The following STAT4 variants were observed in gnomAD, a reference collection of about 807,000 sequenced individuals.
STAT4 encodes the protein signal transducer and activator of transcription 4.
A neutral mutation model predicts 110.5 loss-of-function variants in STAT4; 42 were observed. That is an observed-to-expected ratio of 0.38 (90% CI 0.30 to 0.49). The LOEUF is 0.49. STAT4 is among the 20% of genes least tolerant of loss of function. The pLI, the probability that STAT4 is intolerant of heterozygous loss-of-function variation, is 0.95. For missense variants in STAT4, 632 were observed against 887.9 expected (o/e 0.71, Z 3.66); for synonymous variants, 284 against 302.2 (o/e 0.94, Z 0.63).
At position 191,031,122 on chromosome 2, in the gene STAT4, A is replaced by G. The variant is rs1298111291; in HGVS notation, c.2112-42T>C. ...GGTCAATATGGACAAGGATTAAAAAATAATAATAGTTCACGGTGACTTACT... is the reference window on the plus strand; with the variant it reads ...GGTCAATATGGACAAGGATTAAAAAGTAATAATAGTTCACGGTGACTTACT... On this transcript the variant is annotated intron_variant, in intron 22 of 23. Coordinates refer to ENST00000392320, the MANE Select transcript of STAT4 (RefSeq NM_003151.4). This position sits in a 1 kb window ranked among gnomAD's most constrained non-coding sequence, Gnocchi z 4.8. 1.3e-6 allele frequency: 2 copies of G among 1,589,296 alleles called. No individual in the cohort carries two copies. Among genetic ancestry groups the G allele is most frequent in the South Asian group, 2.2e-5 (2 of 90,290 alleles).
rs1698109040 is a variant in STAT4 at position 191,099,870 on chromosome 2, A to C, written c.274-23545T>G. 6.6e-6 allele frequency among the ~76,000 whole-genome samples: 1 copy of C among 152,168 alleles called. No individual in the cohort carries two copies. The highest frequency in any genetic ancestry group is 1.9e-4 in the East Asian group (1 of 5,194). The stretch of plus-strand genomic sequence containing the variant: ...TTTATGGAAAATTACATGAGTGTGT[A>C]TGCAGTAAAAGTATGAAAAGTTGGT... On this transcript the variant is annotated intron_variant, in intron 3 of 23. Coordinates refer to ENST00000392320, the MANE Select transcript of STAT4 (RefSeq NM_003151.4). This position sits in a 1 kb window ranked among gnomAD's most constrained non-coding sequence, Gnocchi z 4.1.
At position 191,104,606 on chromosome 2, in the gene STAT4, T is replaced by C. The variant is rs1698228115; in HGVS notation, c.274-28281A>G. ...AACTTTTGATTTTGCTAAATAAGTA[T>C]ATATTAAACAAAGGTCCATAACCAC... On this transcript the variant is annotated intron_variant, in intron 3 of 23. Coordinates refer to ENST00000392320, the MANE Select transcript of STAT4 (RefSeq NM_003151.4). This position sits in a 1 kb window ranked among gnomAD's most constrained non-coding sequence, Gnocchi z 4.3. Among the ~76,000 whole-genome samples, 1 of 152,186 alleles carries C rather than the reference T, an allele frequency of 6.6e-6. No homozygotes were observed. Among genetic ancestry groups the C allele is most frequent in the Non-Finnish European group, 1.5e-5 (1 of 68,038 alleles).
Position 191,113,962 on chromosome 2 carries a change from G to A in STAT4, c.273+32651C>T, listed in dbSNP as rs1024121247. ...GGAGGTTCCCCTAGAGTTTATGGCTGATCAAATCTGATGTTTAAAATACAT... is the reference window on the plus strand; with the variant it reads ...GGAGGTTCCCCTAGAGTTTATGGCTAATCAAATCTGATGTTTAAAATACAT... On this transcript the variant is annotated intron_variant, in intron 3 of 23. Coordinates refer to ENST00000392320, the MANE Select transcript of STAT4 (RefSeq NM_003151.4). This position sits in a 1 kb window ranked among gnomAD's most constrained non-coding sequence, Gnocchi z 4.8. Among the ~76,000 whole-genome samples, 1 of 152,140 alleles carries A rather than the reference G, an allele frequency of 6.6e-6. No individual in the cohort carries two copies. Among genetic ancestry groups the A allele is most frequent in the African/African-American group, 2.4e-5 (1 of 41,432 alleles).
At chr2:191,092,495 G>A (rs887793957) in intron 3 of STAT4, among the ~76,000 whole-genome samples, 1 of 150,948 alleles carries the variant, frequency 6.6e-6, no homozygotes, top group Non-Finnish European at 1.5e-5. Flanking sequence ...ATGGTCCATA[G>A]TGTGAATGTG....
At position 191,117,236 on chromosome 2, in the gene STAT4, A is replaced by C. The variant is rs112726301; in HGVS notation, c.273+29377T>G. 2.0e-5 allele frequency among the ~76,000 whole-genome samples: 3 copies of C among 152,342 alleles called. No individual in the cohort carries two copies. The highest frequency in any genetic ancestry group is 7.2e-5 in the African/African-American group (3 of 41,586). ...CCCACAACAAATCAAAAATGGTATC[A>C]AGGGATTTTCATCTTTGCCAGTTTG... is the stretch of plus-strand genomic sequence containing the variant. On this transcript the variant is annotated intron_variant, in intron 3 of 23. Transcript: ENST00000392320. The surrounding 1 kb of genome is among the most constrained non-coding windows in gnomAD (Gnocchi z 5.2).
rs1020214907 is a variant in STAT4, at chr2:191,062,622, C to T, written c.941+140G>A. ...AAGAGTAGAAATGTGGTTTCTAAAA[C>T]TTTCTGGGGTTCTATTCACTTCTCC... On this transcript the variant is annotated intron_variant, in intron 9 of 23. Transcript: ENST00000392320. The surrounding 1 kb of genome is among the most constrained non-coding windows in gnomAD (Gnocchi z 4.9). The T allele has an allele frequency of 1.2e-6, 1 of 855,180 alleles. No homozygotes were observed. The highest frequency in any genetic ancestry group is 1.8e-5 in the South Asian group (1 of 56,324). 53.0% of individuals were successfully genotyped at this position (855,180 alleles called of 1,614,324 possible). A position where few individuals can be genotyped will look rare whatever the true frequency, so the allele number is the denominator to read the frequency against.
chr2:191,089,475 A>G (rs1326502045), intron 3 of STAT4, among the ~76,000 whole-genome samples: 1 of 152,224 alleles, frequency 6.6e-6, no homozygotes, highest in Non-Finnish European at 1.5e-5. Flanking sequence ...AAAATAATAC[A>G]GCCATTTTCA....
intron 3 of STAT4, among the ~76,000 whole-genome samples, chr2:191,076,530 C>G (rs977638992): frequency 1.3e-5 from 2 of 152,126 alleles, no homozygotes; most frequent in African/African-American, 4.8e-5. Context: ...ATATTTATCT[C>G]TTTGTCCTCA....
At chr2:191,119,622 G>A (rs992708268) in intron 3 of STAT4, among the ~76,000 whole-genome samples, 1 of 152,140 alleles carries the variant, frequency 6.6e-6, no homozygotes, top group Non-Finnish European at 1.5e-5. Context: ...TATAGATTTA[G>A]TGTAATCCCA....
At chr2:191,121,761 G>C (rs1574176540) in intron 3 of STAT4, among the ~76,000 whole-genome samples, 2 of 144,770 alleles carry the variant, frequency 1.4e-5, no homozygotes, top group South Asian at 2.3e-4. Context: ...TCACACACCA[G>C]GGCCTGTTGT....
Position 191,039,380 on chromosome 2 carries a change from G to T in STAT4, c.1336-83C>A. The T allele has an allele frequency of 8.1e-7, 1 of 1,235,798 alleles. No individual in the cohort carries two copies. The highest frequency in any genetic ancestry group is 1.2e-6 in the Non-Finnish European group (1 of 841,756). The allele number at this position is 1,235,798 out of a possible 1,614,324, so 76.6% of individuals were successfully genotyped here. A position where few individuals can be genotyped will look rare whatever the true frequency, so the allele number is the denominator to read the frequency against. ...TATGCTTGACCCTCGCCTCTAAAGG[G>T]CCAATCTCAAGCCAGCCCCACACCT... On this transcript the variant is annotated intron_variant, in intron 15 of 23. Transcript: ENST00000392320. The surrounding 1 kb of genome is among the most constrained non-coding windows in gnomAD (Gnocchi z 4.7).
In STAT4 at chr2:191,149,490, T is replaced by C. The variant is rs115070265; in HGVS notation, c.-1-1286A>G. On this transcript the variant is annotated intron_variant, in intron 1 of 23. Coordinates refer to ENST00000392320, the MANE Select transcript of STAT4 (RefSeq NM_003151.4). ...AGGCATATTGTAAATGCTCAATCAATGCTTGTTAAATGAAGAATGAGTGGC... is the reference window on the plus strand; with the variant it reads ...AGGCATATTGTAAATGCTCAATCAACGCTTGTTAAATGAAGAATGAGTGGC... 7.6e-3 allele frequency among the ~76,000 whole-genome samples: 1,156 copies of C among 152,328 alleles called. 20 individuals are homozygous for C. Among genetic ancestry groups the C allele is most frequent in the African/African-American group, 0.026 (1,094 of 41,576 alleles).
intron 3 of STAT4, among the ~76,000 whole-genome samples, chr2:191,137,903 T>C (rs929329846): frequency 2.6e-5 from 4 of 152,250 alleles, no homozygotes; most frequent in Admixed American, 1.3e-4. Flanking sequence ...AATTATAAAC[T>C]GCTACAAGAT....
Position 191,082,037 on chromosome 2 carries a change from G to A in STAT4, c.274-5712C>T. 6.6e-6 allele frequency among the ~76,000 whole-genome samples: 1 copy of A among 152,222 alleles called. No individual in the cohort carries two copies. The highest frequency in any genetic ancestry group is 1.5e-5 in the Non-Finnish European group (1 of 68,022). On this transcript the variant is annotated intron_variant, in intron 3 of 23. Coordinates refer to ENST00000392320, the MANE Select transcript of STAT4 (RefSeq NM_003151.4). This position sits in a 1 kb window ranked among gnomAD's most constrained non-coding sequence, Gnocchi z 4.7. ...CAATGCATGAATCATTCACTCCAGGGTCTTATTGTGCTGAGATTTCTTTCA... is the reference window on the plus strand; with the variant it reads ...CAATGCATGAATCATTCACTCCAGGATCTTATTGTGCTGAGATTTCTTTCA...
At chr2:191,064,729 T>C in intron 8 of STAT4, 78 bp downstream of exon 8, 1 of 1,531,158 alleles carries the variant, frequency 6.5e-7, no homozygotes, top group South Asian at 1.3e-5. Context: ...AGTCTAAACC[T>C]GCGTTCTCTG....
chr2:191,090,416 A>G lies in STAT4; in HGVS notation c.274-14091T>C, dbSNP rs1367433203. On this transcript the variant is annotated intron_variant, in intron 3 of 23. Transcript: ENST00000392320. This position sits in a 1 kb window ranked among gnomAD's most constrained non-coding sequence, Gnocchi z 4.2. ...GGTTTTCTTGATAAAAGAAAGGTAC[A>G]GTATAGGCTGTTGATGGATCTAAAT... is the stretch of plus-strand genomic sequence containing the variant. Among the ~76,000 whole-genome samples, 1 of 152,152 alleles carries G rather than the reference A, an allele frequency of 6.6e-6. No individual in the cohort carries two copies. The highest frequency in any genetic ancestry group is 2.4e-5 in the African/African-American group (1 of 41,438).
In STAT4 at chr2:191,039,869, C is replaced by A. The variant is rs1449632852; in HGVS notation, c.1336-572G>T. ...GTGGTTTTCTACTTTATGAGATAAA[C>A]AGGCTTTTACAAATTAGCTTGGGAA... is the stretch of plus-strand genomic sequence containing the variant. On this transcript the variant is annotated intron_variant, in intron 15 of 23. Coordinates refer to ENST00000392320, the MANE Select transcript of STAT4 (RefSeq NM_003151.4). This position sits in a 1 kb window ranked among gnomAD's most constrained non-coding sequence, Gnocchi z 4.7. Among the ~76,000 whole-genome samples the A allele has an allele frequency of 6.6e-6, 1 of 152,154 alleles. No individual in the cohort carries two copies. Among genetic ancestry groups the A allele is most frequent in the Non-Finnish European group, 1.5e-5 (1 of 68,028 alleles).
Position 191,058,566 on chromosome 2 carries a change from AAG to A in STAT4, c.1094+142_1094+143del. ...AATTTTGTTAAATGTTTGAACTTCA[AAG>A]TCAAATATTTGAAGTACATTCATTA... On this transcript the variant is annotated intron_variant, in intron 11 of 23. Transcript: ENST00000392320. This position sits in a 1 kb window ranked among gnomAD's most constrained non-coding sequence, Gnocchi z 4.3. The A allele has an allele frequency of 1.6e-6, 1 of 631,194 alleles. No homozygotes were observed. Among genetic ancestry groups the A allele is most frequent in the Non-Finnish European group, 2.7e-6 (1 of 363,754 alleles). 39.1% of individuals were successfully genotyped at this position (631,194 alleles called of 1,614,324 possible).
At position 191,041,051 on chromosome 2, in the gene STAT4, C is replaced by T. The variant is rs1409848451; in HGVS notation, c.1335+14G>A. ...ATGCCATTAGTAAATAGTGTATGTT[C>T]TTGAAACACCTACCTCCAAATCTAT... On this transcript the variant is annotated intron_variant, in intron 15 of 23. Coordinates refer to ENST00000392320, the MANE Select transcript of STAT4 (RefSeq NM_003151.4). 7.1e-7 allele frequency: 1 copy of T among 1,414,918 alleles called. No homozygotes were observed. Among genetic ancestry groups the T allele is most frequent in the Non-Finnish European group, 9.3e-7 (1 of 1,076,550 alleles). The allele number at this position is 1,414,918 out of a possible 1,614,324, so 87.6% of individuals were successfully genotyped here. A position where few individuals can be genotyped will look rare whatever the true frequency, so the allele number is the denominator to read the frequency against.
Sources: gnomAD v4.1 joint callset for allele counts (sites outside exome capture counted in the v4.1 genomes callset) on GRCh38, gnomAD v4.1.1 for gene constraint, Gnocchi (gnomAD v3.1) non-coding constraint, MANE v1.5 for transcripts, NCBI Gene and HGNC (gene_info 2026-07-23, HGNC 2026-07-21) for gene names.